Variants in GREB1L observed in about 807,000 individuals in gnomAD.
The protein encoded by GREB1L is GREB1-like protein.
GREB1L carries 17 observed loss-of-function variants against 200.8 expected under a neutral mutation model. The observed-to-expected ratio is 0.08, with a 90% CI of 0.06 to 0.13. The LOEUF (loss-of-function observed/expected upper bound fraction) is 0.13. Ranked by LOEUF, GREB1L falls within the 10% of genes least tolerant of loss-of-function variation. GREB1L has a pLI of 1.00. For missense variants in GREB1L, 1,657 were observed against 2,367.7 expected (o/e 0.70, Z 6.23); for synonymous variants, 789 against 893.0 (o/e 0.88, Z 2.08).
intron 1 of GREB1L, among the ~76,000 whole-genome samples, chr18:21,343,685 G>A (rs916183176): frequency 4.0e-5 from 6 of 151,344 alleles, no homozygotes; most frequent in Admixed American, 1.3e-4. Flanking sequence ...ACATGTCCTC[G>A]CTACCTCTTA....
chr18:21,460,928 C>G (rs1310619817), intron 15 of GREB1L, among the ~76,000 whole-genome samples: 1 of 151,578 alleles, frequency 6.6e-6, no homozygotes, highest in Non-Finnish European at 1.5e-5. Flanking sequence ...GAAACCCTGT[C>G]TCTATTAAAA....
At chr18:21,361,825 T>G (rs1263306604) in intron 1 of GREB1L, among the ~76,000 whole-genome samples, 19 of 152,212 alleles carry the variant, frequency 1.2e-4, no homozygotes, top group Non-Finnish European at 2.4e-4. Context: ...TTAAAGTAGA[T>G]CATTTAATTG....
intron 1 of GREB1L, among the ~76,000 whole-genome samples, chr18:21,344,882 C>T (rs1370255632): frequency 6.6e-6 from 1 of 152,216 alleles, no homozygotes; most frequent in Non-Finnish European, 1.5e-5. Flanking sequence ...TCATTGCAGA[C>T]TGAGATCACT....
chr18:21,349,456 C>T (rs906861971), intron 1 of GREB1L, among the ~76,000 whole-genome samples: 3 of 152,182 alleles, frequency 2.0e-5, no homozygotes, highest in African/African-American at 4.8e-5. Flanking sequence ...CTGTGAGGTC[C>T]TCCTAATTTG....
chr18:21,429,072 T>A (rs544409736), intron 7 of GREB1L, among the ~76,000 whole-genome samples: 1 of 152,086 alleles, frequency 6.6e-6, no homozygotes, highest in South Asian at 2.1e-4. Flanking sequence ...TGTTGAGCAT[T>A]GTTATGTACA....
chr18:21,483,342 G>T (rs1213028388), intron 17 of GREB1L, among the ~76,000 whole-genome samples: 1 of 152,194 alleles, frequency 6.6e-6, no homozygotes, highest in African/African-American at 2.4e-5. Flanking sequence ...CTCTGTGTCT[G>T]CAGTCCAGAT....
At chr18:21,352,635 T>C (rs1488975998) in intron 1 of GREB1L, among the ~76,000 whole-genome samples, 1 of 151,662 alleles carries the variant, frequency 6.6e-6, no homozygotes, top group Non-Finnish European at 1.5e-5. Flanking sequence ...GGTTTCTCCA[T>C]GTTGCCCAGC....
intron 7 of GREB1L, among the ~76,000 whole-genome samples, 188 bp downstream of exon 7, chr18:21,404,182 C>T (rs537508161): frequency 6.6e-6 from 1 of 152,298 alleles, no homozygotes; most frequent in East Asian, 1.9e-4. Context: ...AATCCAAGTC[C>T]TCACAGTCCT....
intron 1 of GREB1L, among the ~76,000 whole-genome samples, chr18:21,252,911 G>C (rs2037736038): frequency 6.6e-6 from 1 of 152,062 alleles, no homozygotes; most frequent in South Asian, 2.1e-4. Context: ...TAATTTCCCA[G>C]GGTTTCCTGT....
At chr18:21,266,923 G>C (rs1191851486) in intron 1 of GREB1L, among the ~76,000 whole-genome samples, 1 of 151,974 alleles carries the variant, frequency 6.6e-6, no homozygotes, top group Non-Finnish European at 1.5e-5. Flanking sequence ...ACATTTAGCT[G>C]TTTTTTTGTT....
chr18:21,304,412 C>G (rs1409049434), intron 1 of GREB1L, among the ~76,000 whole-genome samples: 1 of 151,990 alleles, frequency 6.6e-6, no homozygotes, highest in East Asian at 1.9e-4. Flanking sequence ...TGTGTTTTTT[C>G]AGCACTTCAC....
intron 6 of GREB1L, among the ~76,000 whole-genome samples, chr18:21,403,044 T>C (rs1259700401): frequency 1.3e-5 from 2 of 152,146 alleles, no homozygotes; most frequent in African/African-American, 4.8e-5. Flanking sequence ...GAAAACTGCT[T>C]CCAGTCCTTG....
intron 1 of GREB1L, among the ~76,000 whole-genome samples, chr18:21,252,087 G>A (rs2037715927): frequency 6.6e-6 from 1 of 152,008 alleles, no homozygotes; most frequent in African/African-American, 2.4e-5. Context: ...ATTCCAAATG[G>A]TCAATAAGTA....
rs1216196131 is a variant in GREB1L, at chr18:21,523,380, A to C, written c.*559A>C. 6.6e-6 allele frequency: 1 copy of C among 152,222 alleles called. No individual in the cohort carries two copies. Among genetic ancestry groups the C allele is most frequent in the African/African-American group, 2.4e-5 (1 of 41,460 alleles). 9.4% of individuals were successfully genotyped at this position (152,222 alleles called of 1,614,324 possible). On this transcript the variant is annotated 3_prime_UTR_variant, in exon 33 of 33. Transcript: ENST00000424526. ...GTCTTTCTCTGTGCAGTGTTAGTTT[A>C]AGATTTATAATCTTCTATGTATTGA...
intron 1 of GREB1L, among the ~76,000 whole-genome samples, chr18:21,350,238 CT>C (rs1019497941): frequency 0.029 from 3,802 of 133,222 alleles, 125 homozygotes; most frequent in African/African-American, 0.091. Context: ...TTCTTTCTTT[CT>C]TTTTTTTTTT....
At position 21,399,495 on chromosome 18, in the gene GREB1L, A is replaced by G. The variant is rs112894756; in HGVS notation, c.533-1655A>G. 1.1e-3 allele frequency among the ~76,000 whole-genome samples: 69 copies of G among 63,290 alleles called. No individual in the cohort carries two copies. The East Asian group carries it at 0.016, about 14-fold the overall frequency. The allele number at this position is 63,290 out of a possible 152,430, so 41.5% of individuals were successfully genotyped here. A position where few individuals can be genotyped will look rare whatever the true frequency, so the allele number is the denominator to read the frequency against. On this transcript the variant is annotated intron_variant, in intron 5 of 32. Coordinates refer to ENST00000424526, the MANE Select transcript of GREB1L (RefSeq NM_001142966.3). ...TGGATGGATGGATGGATGGATGGAT[A>G]GATGGATGGGTGGGTGGATAGATGG...
intron 28 of GREB1L, among the ~76,000 whole-genome samples, chr18:21,514,699 A>C (rs1310937867): frequency 6.6e-6 from 1 of 152,150 alleles, no homozygotes; most frequent in Non-Finnish European, 1.5e-5. Flanking sequence ...GGCCTCCCAA[A>C]GTGTTGGGAT....
chr18:21,387,186 T>C (rs2040578538), intron 4 of GREB1L, among the ~76,000 whole-genome samples: 1 of 152,202 alleles, frequency 6.6e-6, no homozygotes, highest in South Asian at 2.1e-4. Context: ...GGCCTCCAAA[T>C]ACTGCTTTGA....
At chr18:21,496,915 G>A (rs2036569513) in intron 21 of GREB1L, among the ~76,000 whole-genome samples, 3 of 152,186 alleles carry the variant, frequency 2.0e-5, no homozygotes, top group African/African-American at 7.2e-5. Flanking sequence ...ATTTAAGGAA[G>A]AGCTTGGTAA....
Sources: allele counts gnomAD v4.1 joint callset (sites outside exome capture counted in the v4.1 genomes callset), GRCh38; gene constraint gnomAD v4.1.1; transcripts MANE v1.5; gene names NCBI Gene and HGNC (gene_info 2026-07-23, HGNC 2026-07-21).